Variants in KCNQ1 observed in about 807,000 individuals in gnomAD.
The protein encoded by KCNQ1 is potassium voltage-gated channel subfamily KQT member 1.
Under a neutral mutation model 72.4 loss-of-function variants are expected in KCNQ1, and 49 were observed. The ratio of observed to expected loss-of-function variants is 0.68; its 90% CI spans 0.54 to 0.86. The LOEUF (loss-of-function observed/expected upper bound fraction) is 0.86, where lower values mean the gene tolerates loss of function less well. KCNQ1 is among the 40% of genes least tolerant of loss of function. The pLI is 0.00. For missense variants in KCNQ1, 790 were observed against 945.1 expected (o/e 0.84, Z 2.15); for synonymous variants, 450 against 412.6 (o/e 1.09, Z -1.10).
intron 15 of KCNQ1, among the ~76,000 whole-genome samples, chr11:2,797,342 G>A (rs2134018383): frequency 6.6e-6 from 1 of 152,316 alleles, no homozygotes; most frequent in South Asian, 2.1e-4. Flanking sequence ...TCCTCATGCT[G>A]TGCGTCCCCC....
rs779859587 is a variant in KCNQ1, at chr11:2,571,383, G to A, written c.663G>A (p.Val221=). Residue 221 remains valine (V), a synonymous_variant, in exon 4 of 16, where the codon GTG becomes GTA. Coordinates refer to ENST00000155840, the MANE Select transcript of KCNQ1 (RefSeq NM_000218.3). ...TCTGCGTGGGCTCCAAGGGGCAGGT[G>A]TTTGCCACGTCGGCCATCAGGTGCG... The part of the protein sequence containing the change: ...VVLCVGSKGQ[V]FATSAIRGIR... The A allele has an allele frequency of 1.2e-6, 2 of 1,612,416 alleles. No homozygotes were observed. Among genetic ancestry groups the A allele is most frequent in the East Asian group, 4.5e-5 (2 of 44,858 alleles).
intron 15 of KCNQ1, 52 bp downstream of exon 15, chr11:2,778,089 C>T: frequency 6.5e-7 from 1 of 1,541,066 alleles, no homozygotes; most frequent in Non-Finnish European, 9.0e-7. Flanking sequence ...CTGGGGCCAG[C>T]AGGCACCTCC....
chr11:2,737,087 T>A (rs948387488), intron 11 of KCNQ1, among the ~76,000 whole-genome samples: 9 of 152,090 alleles, frequency 5.9e-5, no homozygotes, highest in Admixed American at 1.3e-4. Context: ...CCAGAAGAGA[T>A]CCCAGCGGGA....
At position 2,677,634 on chromosome 11, in the gene KCNQ1, T is replaced by G. The variant is rs1850316846; in HGVS notation, c.1514+15553T>G. 1 of 398,532 alleles carries G rather than the reference T, an allele frequency of 2.5e-6. No homozygotes were observed. Among genetic ancestry groups the G allele is most frequent in the Non-Finnish European group, 4.4e-6 (1 of 226,078 alleles). The allele number at this position is 398,532 out of a possible 1,614,324, so 24.7% of individuals were successfully genotyped here. A position where few individuals can be genotyped will look rare whatever the true frequency, so the allele number is the denominator to read the frequency against. ...TTTTTCTAAAACGTGTACATAATTG[T>G]AACTCTAACAACTGTTATTGCATAT... On this transcript the variant is annotated intron_variant, in intron 11 of 15. Transcript: ENST00000155840. This position sits in a 1 kb window ranked among gnomAD's most constrained non-coding sequence, Gnocchi z 4.5.
rs1369671031 is a variant in KCNQ1, at chr11:2,720,593, CTGAG to C, written c.1515-48248_1515-48245del. On this transcript the variant is annotated intron_variant, in intron 11 of 15. Coordinates refer to ENST00000155840, the MANE Select transcript of KCNQ1 (RefSeq NM_000218.3). The surrounding 1 kb of genome is among the most constrained non-coding windows in gnomAD (Gnocchi z 5.1). ...ACTCTGAGCTCCTGTGGGTCCTTCT[CTGAG>C]TGTCCTATGTTGGGGGTGTCAGCCT... 6.6e-6 allele frequency among the ~76,000 whole-genome samples: 1 copy of C among 152,190 alleles called. No individual in the cohort carries two copies. Among genetic ancestry groups the C allele is most frequent in the African/African-American group, 2.4e-5 (1 of 41,446 alleles).
chr11:2,681,909 A>T, intron 11 of KCNQ1: 1 of 398,650 alleles, frequency 2.5e-6, no homozygotes, highest in African/African-American at 2.1e-5. Flanking sequence ...GGCCATAATG[A>T]ACACACGTTT....
Position 2,566,715 on chromosome 11 carries a change from AG to A in KCNQ1, c.478-3910del. Among the ~76,000 whole-genome samples the A allele has an allele frequency of 6.6e-6, 1 of 152,086 alleles. No homozygotes were observed. The highest frequency in any genetic ancestry group is 1.5e-5 in the Non-Finnish European group (1 of 67,988). On this transcript the variant is annotated intron_variant, in intron 2 of 15. Coordinates refer to ENST00000155840, the MANE Select transcript of KCNQ1 (RefSeq NM_000218.3). The surrounding 1 kb of genome is among the most constrained non-coding windows in gnomAD (Gnocchi z 6.7). ...TTCTCGTATCTACGGGGCAGAGCTCAGGGCCGCACTCCATCAGCATCCCGGG... is the reference window on the plus strand; with the variant it reads ...TTCTCGTATCTACGGGGCAGAGCTCAGGCCGCACTCCATCAGCATCCCGGG...
At position 2,816,064 on chromosome 11, in the gene KCNQ1, G is replaced by A. The variant is rs370848801; in HGVS notation, c.1795-31703G>A. 3.9e-5 allele frequency among the ~76,000 whole-genome samples: 6 copies of A among 152,192 alleles called. No individual in the cohort carries two copies. The highest frequency in any genetic ancestry group is 2.1e-4 in the South Asian group (1 of 4,834). On this transcript the variant is annotated intron_variant, in intron 15 of 15. Transcript: ENST00000155840. The surrounding 1 kb of genome is among the most constrained non-coding windows in gnomAD (Gnocchi z 6.8). ...AGATGAATGTGGACGGCTGGCGGCC[G>A]GGGCTTGGGAGATCAAGAAGTCCCT...
rs375541335 is a variant in KCNQ1, at chr11:2,524,540, G to C, written c.387-3388G>C. Among the ~76,000 whole-genome samples, 7 of 152,332 alleles carry C rather than the reference G, an allele frequency of 4.6e-5. No homozygotes were observed. In the East Asian group the frequency reaches 7.7e-4, roughly 17 times the overall value. ...CCAGTGGTCAGTGAGCAGGGGCGTGGGTAGCGGGCAGTGGCCTGCAGTCCC... is the reference window on the plus strand; with the variant it reads ...CCAGTGGTCAGTGAGCAGGGGCGTGCGTAGCGGGCAGTGGCCTGCAGTCCC... On this transcript the variant is annotated intron_variant, in intron 1 of 15. Transcript: ENST00000155840.
chr11:2,495,531 G>C lies in KCNQ1; in HGVS notation c.387-32397G>C, dbSNP rs1204743763. Among the ~76,000 whole-genome samples, 1 of 152,122 alleles carries C rather than the reference G, an allele frequency of 6.6e-6. No individual in the cohort carries two copies. The highest frequency in any genetic ancestry group is 1.5e-5 in the Non-Finnish European group (1 of 68,022). On this transcript the variant is annotated intron_variant, in intron 1 of 15. Transcript: ENST00000155840. The surrounding 1 kb of genome is among the most constrained non-coding windows in gnomAD (Gnocchi z 4.6). ...AGCTGTGTCCCAGAAATTCTGGTACGTTGTCTCTTTGTTTTCATTTGTTTC... is the reference window on the plus strand; with the variant it reads ...AGCTGTGTCCCAGAAATTCTGGTACCTTGTCTCTTTGTTTTCATTTGTTTC...
rs545908475 is a variant in KCNQ1 at position 2,691,743 on chromosome 11, G to A, written c.1514+29662G>A. ...CCCACAGGGAGCCACACAGGCAGGG[G>A]ACATTCCACTAGGGCCATTTGCAGG... On this transcript the variant is annotated intron_variant, in intron 11 of 15. Transcript: ENST00000155840. The surrounding 1 kb of genome is among the most constrained non-coding windows in gnomAD (Gnocchi z 6.4). 6.8e-5 allele frequency: 27 copies of A among 398,658 alleles called. No individual in the cohort carries two copies. Among genetic ancestry groups the A allele is most frequent in the Non-Finnish European group, 1.1e-4 (25 of 226,142 alleles). 24.7% of individuals were successfully genotyped at this position (398,658 alleles called of 1,614,324 possible).
Position 2,713,900 on chromosome 11 carries a change from G to A in KCNQ1, c.1514+51819G>A, listed in dbSNP as rs1470945441. Among the ~76,000 whole-genome samples the A allele has an allele frequency of 2.0e-5, 3 of 152,256 alleles. No homozygotes were observed. The highest frequency in any genetic ancestry group is 7.2e-5 in the African/African-American group (3 of 41,468). The stretch of plus-strand genomic sequence containing the variant: ...CGGAGCCTGGCCCTGCAGACACGAT[G>A]GCCCAGCACGCCGCTCACTGCCGCG... On this transcript the variant is annotated intron_variant, in intron 11 of 15. Coordinates refer to ENST00000155840, the MANE Select transcript of KCNQ1 (RefSeq NM_000218.3). The surrounding 1 kb of genome is among the most constrained non-coding windows in gnomAD (Gnocchi z 5.6).
Position 2,473,292 on chromosome 11 carries a change from A to G in KCNQ1, c.386+27808A>G, listed in dbSNP as rs1846518719. ...TATATTTGTATAATAAATGGAAGAAAATAGTGGTTGGGGGCTTGCTGGGGA... is the reference window on the plus strand; with the variant it reads ...TATATTTGTATAATAAATGGAAGAAGATAGTGGTTGGGGGCTTGCTGGGGA... On this transcript the variant is annotated intron_variant, in intron 1 of 15. Coordinates refer to ENST00000155840, the MANE Select transcript of KCNQ1 (RefSeq NM_000218.3). This position sits in a 1 kb window ranked among gnomAD's most constrained non-coding sequence, Gnocchi z 6.0. Among the ~76,000 whole-genome samples the G allele has an allele frequency of 6.6e-6, 1 of 152,086 alleles. No individual in the cohort carries two copies. Among genetic ancestry groups the G allele is most frequent in the South Asian group, 2.1e-4 (1 of 4,826 alleles).
rs547596198 is a variant in KCNQ1, at chr11:2,734,401, C to T, written c.1515-34443C>T. On this transcript the variant is annotated intron_variant, in intron 11 of 15. Transcript: ENST00000155840. The surrounding 1 kb of genome is among the most constrained non-coding windows in gnomAD (Gnocchi z 7.0). The stretch of plus-strand genomic sequence containing the variant: ...TGAATGAGGAAGCTTCACAGCCCCC[C>T]GGCCACCGCAGGTCGGGGGAGCACT... 6.6e-6 allele frequency among the ~76,000 whole-genome samples: 1 copy of T among 152,234 alleles called. No individual in the cohort carries two copies. Among genetic ancestry groups the T allele is most frequent in the Non-Finnish European group, 1.5e-5 (1 of 68,042 alleles).
chr11:2,480,737 A>G (rs1846638212), intron 1 of KCNQ1, among the ~76,000 whole-genome samples: 1 of 152,196 alleles, frequency 6.6e-6, no homozygotes, highest in Non-Finnish European at 1.5e-5. Flanking sequence ...GTAGTGTGCA[A>G]TAGAGACCTG....
rs1850389113 is a variant in KCNQ1, at chr11:2,681,078, T to C, written c.1514+18997T>C. 1.3e-5 allele frequency: 5 copies of C among 398,500 alleles called. No homozygotes were observed. In the South Asian group the frequency reaches 6.4e-4, roughly 51 times the overall value. The allele number at this position is 398,500 out of a possible 1,614,324, so 24.7% of individuals were successfully genotyped here. ...CTCCAAAAAGAGACTTTGGAAGATTTCACTAATGATGTGGTTATTTTTTAA... is the reference window on the plus strand; with the variant it reads ...CTCCAAAAAGAGACTTTGGAAGATTCCACTAATGATGTGGTTATTTTTTAA... On this transcript the variant is annotated intron_variant, in intron 11 of 15. Transcript: ENST00000155840.
intron 1 of KCNQ1, among the ~76,000 whole-genome samples, chr11:2,501,873 A>T (rs1455476648): frequency 6.6e-6 from 1 of 152,244 alleles, no homozygotes; most frequent in Non-Finnish European, 1.5e-5. Flanking sequence ...TTATCCCAGG[A>T]ATGCAAGGAT....
At chr11:2,831,173 G>C (rs1283383282) in intron 15 of KCNQ1, among the ~76,000 whole-genome samples, 1 of 152,206 alleles carries the variant, frequency 6.6e-6, no homozygotes, top group Non-Finnish European at 1.5e-5. Context: ...AGAATGACAG[G>C]TGCTCTGTGA....
At chr11:2,532,371 C>A (rs179434) in intron 2 of KCNQ1, among the ~76,000 whole-genome samples, 91,692 of 152,048 alleles carry the variant, frequency 0.6, 29,655 homozygotes, top group East Asian at 0.72. Flanking sequence ...GCTGCCCCTG[C>A]GTGATGGAGA....
Sources: allele counts gnomAD v4.1 joint callset (sites outside exome capture counted in the v4.1 genomes callset), GRCh38; gene constraint gnomAD v4.1.1; non-coding constraint Gnocchi (gnomAD v3.1); transcripts MANE v1.5; gene names NCBI Gene and HGNC (gene_info 2026-07-23, HGNC 2026-07-21).